Variants in A1BG observed in about 807,000 individuals in gnomAD.
A1BG encodes alpha-1-B glycoprotein.
Under a neutral mutation model 46.0 loss-of-function variants are expected in A1BG, and 44 were observed. The observed-to-expected ratio is 0.96, with a 90% CI of 0.75 to 1.23. A1BG has a LOEUF of 1.23. A1BG is among the 50% of genes most tolerant of loss of function. The pLI is 0.00. For missense variants in A1BG, 707 were observed against 688.8 expected (o/e 1.03, Z -0.30); for synonymous variants, 316 against 314.7 (o/e 1.00, Z -0.04).
At chr19:58,352,229 T>G in intron 4 of A1BG, 54 bp downstream of exon 4, 1 of 1,590,914 alleles carries the variant, frequency 6.3e-7, no homozygotes, top group Middle Eastern at 2.2e-4. Context: ...AATGTGGTCA[T>G]GCCCCCTGTA....
Position 58,347,596 on chromosome 19 carries a change from C to T in A1BG, c.1237G>A (p.Val413Ile). The change falls in exon 7 of 8, where the codon GTC becomes ATC. Residue 413 changes from valine to isoleucine, a missense_variant. Physicochemically the swap from Val to Ile is conservative, Grantham distance 29. Transcript: ENST00000263100. Reference sequence around the variant, plus strand: ...AGGACGGCATCTCGGCCCGCCAGGACCGCCCCACTCCACGTCGCCCGGAGC... The same window carrying T: ...AGGACGGCATCTCGGCCCGCCAGGATCGCCCCACTCCACGTCGCCCGGAGC... ...PQLRATWSGA[V>I]LAGRDAVLRC... 6.7e-7 allele frequency: 1 copy of T among 1,501,360 alleles called. No individual in the cohort carries two copies. The highest frequency in any genetic ancestry group is 8.8e-7 in the Non-Finnish European group (1 of 1,130,720). The allele number at this position is 1,501,360 out of a possible 1,614,324, so 93.0% of individuals were successfully genotyped here.
In A1BG at chr19:58,350,400, G is replaced by A. The variant is rs2051946609; in HGVS notation, c.1162C>T (p.Pro388Ser). 1 of 1,549,354 alleles carries A rather than the reference G, an allele frequency of 6.5e-7. No individual in the cohort carries two copies. Among genetic ancestry groups the A allele is most frequent in the Non-Finnish European group, 8.7e-7 (1 of 1,146,334 alleles). Residue 388 changes from proline to serine, a missense_variant, in exon 6 of 8, where the codon CCC (proline) becomes TCC (serine). Pro to Ser is a moderately conservative substitution (Grantham distance 74, BLOSUM62 -1). Coordinates refer to ENST00000263100, the MANE Select transcript of A1BG (RefSeq NM_130786.4). ...DLKPPFGGSA[P>S]SERLELHVDG... ...ACGTGCAGCTCCAAGCGCTCGCTGG[G>A]CGCGGAGCCCCCGAAAGGCGGCTTC...
chr19:58,351,858 G>T (rs548877519), intron 4 of A1BG, 171 bp from the exon 5 acceptor site: 2 of 749,916 alleles, frequency 2.7e-6, no homozygotes, highest in Non-Finnish European at 4.2e-6. Context: ...GTGCAGTGGC[G>T]CCACTCAGCT....
Position 58,347,626 on chromosome 19 carries a change from G to T in A1BG, c.1207C>A (p.Pro403Thr), listed in dbSNP as rs2051923873. Residue 403 changes from proline (P) to threonine (T), a missense_variant, in exon 7 of 8, where the codon CCT becomes ACT. Coordinates refer to ENST00000263100, the MANE Select transcript of A1BG (RefSeq NM_130786.4). Reference protein sequence around the residue: ...ELHVDGPPPRPQLRATWSGAV... With the variant: ...ELHVDGPPPRTQLRATWSGAV... ...CCACTCCACGTCGCCCGGAGCTGAGGCCTGGGAGGGGGTCCTGGGCGGAGC... is the reference window on the plus strand; with the variant it reads ...CCACTCCACGTCGCCCGGAGCTGAGTCCTGGGAGGGGGTCCTGGGCGGAGC... 1 of 1,454,072 alleles carries T rather than the reference G, an allele frequency of 6.9e-7. No individual in the cohort carries two copies. Among genetic ancestry groups the T allele is most frequent in the Admixed American group, 2.5e-5 (1 of 39,274 alleles). The allele number at this position is 1,454,072 out of a possible 1,614,324, so 90.1% of individuals were successfully genotyped here. A position where few individuals can be genotyped will look rare whatever the true frequency, so the allele number is the denominator to read the frequency against.
intron 7 of A1BG, 148 bp downstream of exon 7, chr19:58,347,205 C>T (rs2051919225): frequency 6.6e-6 from 9 of 1,370,808 alleles, no homozygotes; most frequent in Middle Eastern, 2.2e-4. Context: ...CGGTTCCTCG[C>T]CCGCAATTCC....
At chr19:58,352,087 C>A (rs1568554166) in intron 4 of A1BG, 196 bp downstream of exon 4, 15 of 1,440,128 alleles carry the variant, frequency 1.0e-5, no homozygotes, top group Non-Finnish European at 1.1e-5. Context: ...AGCCACCGCA[C>A]CCGGCCTCAC....
Position 58,347,632 on chromosome 19 carries a change from G to A in A1BG, c.1201C>T (p.Pro401Ser), listed in dbSNP as rs921667584. 2.1e-6 allele frequency: 3 copies of A among 1,442,610 alleles called. No individual in the cohort carries two copies. The African/African-American group carries it at 4.6e-5, about 22-fold the overall frequency. The allele number at this position is 1,442,610 out of a possible 1,614,324, so 89.4% of individuals were successfully genotyped here. The change falls in exon 7 of 8, where the codon CCC (proline) becomes TCC (serine). Residue 401 changes from proline to serine, a missense_variant. Coordinates refer to ENST00000263100, the MANE Select transcript of A1BG (RefSeq NM_130786.4). Reference sequence around the variant, plus strand: ...CACGTCGCCCGGAGCTGAGGCCTGGGAGGGGGTCCTGGGCGGAGCGGGCGG... The same window carrying A: ...CACGTCGCCCGGAGCTGAGGCCTGGAAGGGGGTCCTGGGCGGAGCGGGCGG... ...RLELHVDGPP[P>S]RPQLRATWSG...
chr19:58,349,401 C>T (rs1170270258), intron 6 of A1BG, among the ~76,000 whole-genome samples: 2 of 151,864 alleles, frequency 1.3e-5, no homozygotes, highest in African/African-American at 4.8e-5. Context: ...AAGTGTAATC[C>T]CAGCACTTTG....
chr19:58,352,679 AAGGC>A (rs1044367025), intron 3 of A1BG, 124 bp from the exon 4 acceptor site: 2 of 1,338,546 alleles, frequency 1.5e-6, no homozygotes, highest in African/African-American at 1.5e-5. Context: ...TTGCTGGGAA[AAGGC>A]AGGCAGGCAC....
Position 58,346,962 on chromosome 19 carries a change from C to G in A1BG, c.*60G>C. 1.9e-6 allele frequency: 3 copies of G among 1,601,774 alleles called. No individual in the cohort carries two copies. The highest frequency in any genetic ancestry group is 2.2e-5 in the South Asian group (2 of 90,822). On this transcript the variant is annotated 3_prime_UTR_variant, in exon 8 of 8. Transcript: ENST00000263100. The stretch of plus-strand genomic sequence containing the variant: ...TGTGCTGCAACAGGAGGGGAGGGAG[C>G]CAGTCCAGAATCCCCGGCACTTCTG...
chr19:58,347,337 C>G lies in A1BG; in HGVS notation c.1480+16G>C. 1.9e-6 allele frequency: 3 copies of G among 1,609,780 alleles called. No homozygotes were observed. The highest frequency in any genetic ancestry group is 2.5e-6 in the Non-Finnish European group (3 of 1,179,734). On this transcript the variant is annotated intron_variant, in intron 7 of 7. Transcript: ENST00000263100. ...CAGCAGACGGAACCAGCACCCGGGA[C>G]CCAGGGAAACGTCACCTGCCACCAG...
chr19:58,351,017 G>A (rs2051953347), intron 5 of A1BG: 1 of 419,378 alleles, frequency 2.4e-6, no homozygotes, highest in Non-Finnish European at 4.3e-6. Context: ...CCTGTGGTCC[G>A]CTGGGCATGG....
rs2051923090 is a variant in A1BG at position 58,347,564 on chromosome 19, G to C, written c.1269C>G (p.Cys423Trp). The C allele has an allele frequency of 1.3e-6, 2 of 1,553,428 alleles. No individual in the cohort carries two copies. The highest frequency in any genetic ancestry group is 2.4e-5 in the East Asian group (1 of 42,480). ...VLAGRDAVLR[C>W]EGPIPDVTFE... ...AGGTGACGTCGGGGATGGGTCCCTC[G>C]CAGCGCAGGACGGCATCTCGGCCCG... The change falls in exon 7 of 8, where the codon TGC (cysteine) becomes TGG (tryptophan). Residue 423 changes from cysteine to tryptophan, a missense_variant. Physicochemically the swap from Cys to Trp is radical, Grantham distance 215. Transcript: ENST00000263100.
rs995585388 is a variant in A1BG at position 58,347,488 on chromosome 19, G to T, written c.1345C>A (p.Pro449Thr). ...ETKAVKTVRT[P>T]GAAANLELIF... ...AGCTCGAGGTTCGCCGCGGCCCCGG[G>T]GGTGCGGACCGTCTTCACGGCCTTC... Residue 449 changes from proline (P) to threonine (T), a missense_variant, in exon 7 of 8, where the codon CCC becomes ACC. By Grantham distance (38) the Pro-to-Thr change is conservative (BLOSUM62 -1). Transcript: ENST00000263100. 1.3e-6 allele frequency: 2 copies of T among 1,597,308 alleles called. No individual in the cohort carries two copies. Among genetic ancestry groups the T allele is most frequent in the East Asian group, 4.5e-5 (2 of 44,024 alleles).
Position 58,352,963 on chromosome 19 carries a change from G to C in A1BG, c.305C>G (p.Thr102Ser), listed in dbSNP as rs527636153. 1.5e-5 allele frequency: 25 copies of C among 1,613,814 alleles called. No individual in the cohort carries two copies. In the South Asian group the frequency reaches 2.5e-4, roughly 16 times the overall value. ...CAGCTCCAGGAGCTTGCTCAGCTGG[G>C]TCCATCCTGTGGACAAGCCCGAGCG... ...RCRSGLSTGW[T>S]QLSKLLELTG... is the part of the protein sequence containing the mutation. The change falls in exon 3 of 8, where the codon ACC (threonine) becomes AGC (serine). Residue 102 changes from threonine (T) to serine (S), a missense_variant. Coordinates refer to ENST00000263100, the MANE Select transcript of A1BG (RefSeq NM_130786.4).
Position 58,346,888 on chromosome 19 carries a change from C to T in A1BG, c.*134G>A. 3.2e-6 allele frequency: 3 copies of T among 943,004 alleles called. No individual in the cohort carries two copies. The highest frequency in any genetic ancestry group is 5.3e-6 in the Non-Finnish European group (3 of 568,220). The allele number at this position is 943,004 out of a possible 1,614,324, so 58.4% of individuals were successfully genotyped here. A position where few individuals can be genotyped will look rare whatever the true frequency, so the allele number is the denominator to read the frequency against. On this transcript the variant is annotated 3_prime_UTR_variant, in exon 8 of 8. Coordinates refer to ENST00000263100, the MANE Select transcript of A1BG (RefSeq NM_130786.4). The stretch of plus-strand genomic sequence containing the variant: ...GAGCCTCTCTTCACATTTATTAATT[C>T]CTGGGAGGAATGAGGGAGGCTTCTC...
chr19:58,352,741 G>A (rs1342360524), intron 3 of A1BG, 186 bp from the exon 4 acceptor site: 13 of 1,154,024 alleles, frequency 1.1e-5, no homozygotes, highest in Non-Finnish European at 1.6e-5. Flanking sequence ...TGTGGGAGCT[G>A]TACGGCATGC....
intron 5 of A1BG, chr19:58,350,997 C>A (rs1477544809): frequency 7.2e-6 from 3 of 416,902 alleles, no homozygotes; most frequent in Non-Finnish European, 1.3e-5. Flanking sequence ...GCCCGCCCCA[C>A]GGAGGGGCCC....
rs370890384 is a variant in A1BG at position 58,351,732 on chromosome 19, G to A, written c.614-45C>T. ...ACTAGGCTGCCCCATCCCTGGAGCT[G>A]CCCTCTGCCCAGTCCCCAGACCTCT... On this transcript the variant is annotated intron_variant, in intron 4 of 7. Transcript: ENST00000263100. 4.4e-5 allele frequency: 68 copies of A among 1,532,714 alleles called. No homozygotes were observed. The African/African-American group carries it at 8.8e-4, about 20-fold the overall frequency. 94.9% of individuals were successfully genotyped at this position (1,532,714 alleles called of 1,614,324 possible).
Sources: allele counts gnomAD v4.1 joint callset (sites outside exome capture counted in the v4.1 genomes callset), GRCh38; gene constraint gnomAD v4.1.1; transcripts MANE v1.5; gene names NCBI Gene and HGNC (gene_info 2026-07-23, HGNC 2026-07-21).